The following SNTG1 variants were observed in gnomAD, a reference collection of about 807,000 sequenced individuals.
The protein encoded by SNTG1 is gamma-1-syntrophin.
In SNTG1, 39 loss-of-function variants were observed where a neutral mutation model predicts 74.7. The observed-to-expected ratio is 0.52, with a 90% CI of 0.40 to 0.68. SNTG1 has a LOEUF of 0.68. SNTG1 is among the 30% of genes least tolerant of loss of function. The probability of loss-of-function intolerance (pLI) is 0.00; values close to 1 mark genes in which losing one functional copy is unlikely to be tolerated. For missense variants in SNTG1, 685 were observed against 609.5 expected, an observed-to-expected ratio of 1.12 and a Z score of -1.30; for synonymous variants, 254 against 217.1, an observed-to-expected ratio of 1.17 and a Z score of -1.49.
intron 2 of SNTG1, among the ~76,000 whole-genome samples, chr8:50,391,491 T>G (rs1012027262): frequency 2.0e-5 from 3 of 152,156 alleles, no homozygotes; most frequent in Non-Finnish European, 4.4e-5. Context: ...TATTGAGGAT[T>G]TTTGCATCAA....
chr8:49,921,996 C>T (rs577548549), intron 1 of SNTG1, among the ~76,000 whole-genome samples: 47 of 152,178 alleles, frequency 3.1e-4, no homozygotes, highest in Non-Finnish European at 5.4e-4. Context: ...TTCTCTTCTA[C>T]GTGATTTGCC....
intron 3 of SNTG1, among the ~76,000 whole-genome samples, chr8:50,395,648 T>G (rs2092719138): frequency 1.3e-5 from 2 of 151,818 alleles, no homozygotes; most frequent in Admixed American, 1.3e-4. Flanking sequence ...GGACTACAGG[T>G]GCCTGCCACC....
intron 2 of SNTG1, among the ~76,000 whole-genome samples, chr8:50,275,140 C>T (rs2130344245): frequency 6.6e-6 from 1 of 152,084 alleles, no homozygotes; most frequent in South Asian, 2.1e-4. Context: ...ACTTTTCTTC[C>T]TTGACTATAT....
chr8:50,293,135 C>CA (rs143754701), intron 2 of SNTG1, among the ~76,000 whole-genome samples: 9,166 of 152,232 alleles, frequency 0.06, 311 homozygotes, highest in South Asian at 0.074. Context: ...GTTGTCTTGT[C>CA]ACGTGATTGT....
chr8:50,541,103 A>G (rs1159158924), intron 11 of SNTG1, among the ~76,000 whole-genome samples: 1 of 151,976 alleles, frequency 6.6e-6, no homozygotes, highest in Non-Finnish European at 1.5e-5. Context: ...TATTTTGAAA[A>G]AATTGAATAT....
chr8:50,788,438 G>A (rs893490938), intron 18 of SNTG1, among the ~76,000 whole-genome samples: 4 of 152,032 alleles, frequency 2.6e-5, no homozygotes, highest in Admixed American at 2.6e-4. Flanking sequence ...GTATGCAAAT[G>A]TAGATGATGA....
chr8:50,491,970 G>A (rs1175878988), intron 8 of SNTG1, among the ~76,000 whole-genome samples: 1 of 151,846 alleles, frequency 6.6e-6, no homozygotes, highest in African/African-American at 2.4e-5. Context: ...CCACTTATGG[G>A]TAAGAACATG....
rs2081186012 is a variant in SNTG1, at chr8:50,127,489, TG to T, written c.-102-45069del. 3.9e-5 allele frequency among the ~76,000 whole-genome samples: 6 copies of T among 152,148 alleles called. No individual in the cohort carries two copies. In the South Asian group the frequency reaches 1.2e-3, roughly 32 times the overall value. Reference sequence around the variant, plus strand: ...ATGGTTATTCTGGCCCACCGCCCAGTGGGTAGAGGGACTGGAACAGAAGTCT... The same window carrying T: ...ATGGTTATTCTGGCCCACCGCCCAGTGGTAGAGGGACTGGAACAGAAGTCT... On this transcript the variant is annotated intron_variant, in intron 1 of 18. Transcript: ENST00000642720.
intron 8 of SNTG1, among the ~76,000 whole-genome samples, chr8:50,461,166 TG>T (rs2093558112): frequency 7.4e-6 from 1 of 135,502 alleles, no homozygotes; most frequent in African/African-American, 3.4e-5. Context: ...GGTGTGTGTG[TG>T]TGTGTGTGTG....
intron 9 of SNTG1, among the ~76,000 whole-genome samples, chr8:50,522,690 T>C (rs2094189897): frequency 6.6e-6 from 1 of 151,492 alleles, no homozygotes. Context: ...GCAATTCTCC[T>C]GCCACAACCT....
intron 2 of SNTG1, among the ~76,000 whole-genome samples, chr8:50,202,483 G>T (rs1239727543): frequency 6.6e-6 from 1 of 152,042 alleles, no homozygotes; most frequent in Non-Finnish European, 1.5e-5. Context: ...CTTTCACTTA[G>T]CAATGTACAG....
chr8:49,985,609 G>A (rs1430406165), intron 1 of SNTG1, among the ~76,000 whole-genome samples: 2 of 152,168 alleles, frequency 1.3e-5, no homozygotes, highest in Admixed American at 1.3e-4. Flanking sequence ...ACTAAAAATA[G>A]TTCATATAAA....
chr8:50,707,214 A>G (rs2095446249), intron 16 of SNTG1, among the ~76,000 whole-genome samples: 1 of 152,086 alleles, frequency 6.6e-6, no homozygotes, highest in African/African-American at 2.4e-5. Flanking sequence ...AAATTTTAAT[A>G]CACTGCACCG....
chr8:50,536,691 G>C lies in SNTG1; in HGVS notation c.563G>C (p.Cys188Ser). Residue 188 changes from cysteine to serine, a missense_variant, in exon 11 of 19, where the codon TGC becomes TCC. Coordinates refer to ENST00000642720, the MANE Select transcript of SNTG1 (RefSeq NM_018967.5). ...YHPNNTDTLS[C>S]SSWPTSPGLR... is the part of the protein sequence containing the mutation. Reference sequence around the variant, plus strand: ...TCTTCCTTTCAGGACACATTATCATGCTCGTCGTGGCCGACGTCTCCAGGC... The same window carrying C: ...TCTTCCTTTCAGGACACATTATCATCCTCGTCGTGGCCGACGTCTCCAGGC... 1 of 1,613,808 alleles carries C rather than the reference G, an allele frequency of 6.2e-7. No homozygotes were observed. Among genetic ancestry groups the C allele is most frequent in the Non-Finnish European group, 8.5e-7 (1 of 1,179,788 alleles).
Position 50,115,576 on chromosome 8 carries a change from A to AAAAAAAAAAAAAAAAAAC in SNTG1, c.-102-56974_-102-56973insAAAAAACAAAAAAAAAAA, listed in dbSNP as rs1482375164. On this transcript the variant is annotated intron_variant, in intron 1 of 18. Coordinates refer to ENST00000642720, the MANE Select transcript of SNTG1 (RefSeq NM_018967.5). ...GAGCGAGACTCTGTCTCAAAAAAAAAAAAAAAAAAAACGAGATGGTTGAAG... is the reference window on the plus strand; with the variant it reads ...GAGCGAGACTCTGTCTCAAAAAAAAAAAAAAAAAAAAAAAAAACAAAAAAAAAAACGAGATGGTTGAAG... Among the ~76,000 whole-genome samples the AAAAAAAAAAAAAAAAAAC allele has an allele frequency of 3.7e-4, 31 of 82,792 alleles. 3 individuals are homozygous for AAAAAAAAAAAAAAAAAAC. The highest frequency in any genetic ancestry group is 7.4e-4 in the Admixed American group (4 of 5,424). 54.3% of individuals were successfully genotyped at this position (82,792 alleles called of 152,430 possible).
In SNTG1 at chr8:49,913,244, A is replaced by G. The variant is rs113569336; in HGVS notation, c.-103+1013A>G. Among the ~76,000 whole-genome samples the G allele has an allele frequency of 8.9e-4, 136 of 152,370 alleles. 1 individual carries two copies. The highest frequency in any genetic ancestry group is 3.1e-3 in the African/African-American group (130 of 41,584). On this transcript the variant is annotated intron_variant, in intron 1 of 18. Coordinates refer to ENST00000642720, the MANE Select transcript of SNTG1 (RefSeq NM_018967.5). ...GATGGAATTTTACAGTCATGTAAAT[A>G]CATGTGATGAGATATTCATAATCAA...
At chr8:50,496,147 T>A (rs1034339044) in intron 8 of SNTG1, among the ~76,000 whole-genome samples, 1 of 152,188 alleles carries the variant, frequency 6.6e-6, no homozygotes, top group Non-Finnish European at 1.5e-5. Context: ...CCTTTTCAGA[T>A]AGGATCCAGA....
chr8:50,531,823 G>T (rs915210813), intron 10 of SNTG1, among the ~76,000 whole-genome samples: 4 of 152,178 alleles, frequency 2.6e-5, no homozygotes, highest in African/African-American at 9.6e-5. Context: ...AAAGCTCTTT[G>T]GAGCTGTTTT....
chr8:49,988,148 G>T (rs904830666), intron 1 of SNTG1, among the ~76,000 whole-genome samples: 3 of 152,034 alleles, frequency 2.0e-5, no homozygotes, highest in Non-Finnish European at 4.4e-5. Flanking sequence ...TAACCAAGTA[G>T]CTAGAGAAAC....
Sources: gnomAD v4.1 joint callset for allele counts (sites outside exome capture counted in the v4.1 genomes callset) on GRCh38, gnomAD v4.1.1 for gene constraint, MANE v1.5 for transcripts, NCBI Gene and HGNC (gene_info 2026-07-23, HGNC 2026-07-21) for gene names.